The following SLC9A9 variants were observed in gnomAD, a reference collection of about 807,000 sequenced individuals.
SLC9A9 encodes sodium/hydrogen exchanger 9.
SLC9A9 carries 62 observed loss-of-function variants against 77.8 expected under a neutral mutation model. The ratio of observed to expected loss-of-function variants is 0.80; its 90% CI spans 0.65 to 0.98. The LOEUF is 0.98. SLC9A9 is among the 50% of genes least tolerant of loss of function. SLC9A9 has a pLI of 0.00. For synonymous variants in SLC9A9, 320 were observed against 283.5 expected, an observed-to-expected ratio of 1.13 and a Z score of -1.29; for missense variants, 775 against 774.9, an observed-to-expected ratio of 1.00 and a Z score of 0.00.
chr3:143,388,631 GTTA>G (rs943257877), intron 12 of SLC9A9, among the ~76,000 whole-genome samples: 13 of 152,266 alleles, frequency 8.5e-5, no homozygotes, highest in Non-Finnish European at 1.3e-4. Context: ...TGTTAGTGCT[GTTA>G]TTATAAGAGA....
At chr3:143,538,036 T>C (rs1372281293) in intron 9 of SLC9A9, among the ~76,000 whole-genome samples, 1 of 152,238 alleles carries the variant, frequency 6.6e-6, no homozygotes, top group Non-Finnish European at 1.5e-5. Flanking sequence ...TGCCTAGGCC[T>C]TAGGTCCATG....
chr3:143,293,635 C>G (rs1050263298), intron 14 of SLC9A9, among the ~76,000 whole-genome samples: 2 of 152,088 alleles, frequency 1.3e-5, no homozygotes, highest in Non-Finnish European at 2.9e-5. Flanking sequence ...TGAATATGAT[C>G]TGGGATTGAG....
At chr3:143,775,016 C>A (rs1366214558) in intron 4 of SLC9A9, among the ~76,000 whole-genome samples, 4 of 152,200 alleles carry the variant, frequency 2.6e-5, no homozygotes, top group Non-Finnish European at 5.9e-5. Flanking sequence ...AATCCCACTG[C>A]TGATTTTTGT....
Position 143,710,704 on chromosome 3 carries a change from G to A in SLC9A9, c.534-17397C>T, listed in dbSNP as rs188193389. On this transcript the variant is annotated intron_variant, in intron 4 of 15. Transcript: ENST00000316549. ...TCCTAAAGAGAGTTTACCAGGGCTG[G>A]AAATTTTTTGCAGATTCTCTGCTGT... Among the ~76,000 whole-genome samples, 363 of 152,302 alleles carry A rather than the reference G, an allele frequency of 2.4e-3. 2 individuals carry two copies. Among genetic ancestry groups the A allele is most frequent in the African/African-American group, 8.2e-3 (342 of 41,566 alleles).
intron 14 of SLC9A9, among the ~76,000 whole-genome samples, chr3:143,317,544 T>C (rs182246775): frequency 6.6e-6 from 1 of 152,330 alleles, no homozygotes; most frequent in East Asian, 1.9e-4. Context: ...AATTACACTT[T>C]CCACCCTTGT....
intron 4 of SLC9A9, among the ~76,000 whole-genome samples, chr3:143,750,738 TATATATATATAC>T (rs969917816): frequency 2.0e-5 from 3 of 148,030 alleles, no homozygotes; most frequent in African/African-American, 7.4e-5. Flanking sequence ...TATATCTATA[TATATATATATAC>T]ATATATAATT....
Position 143,562,589 on chromosome 3 carries a change from G to A in SLC9A9, c.1001-10139C>T, listed in dbSNP as rs144148971. Among the ~76,000 whole-genome samples the A allele has an allele frequency of 1.3e-4, 20 of 151,018 alleles. 1 individual carries two copies. In the East Asian group the frequency reaches 3.7e-3, roughly 28 times the overall value. The stretch of plus-strand genomic sequence containing the variant: ...TTGTCAAACTATTATAAGCACTAAG[G>A]TATTTATCTTGCATGTTTTGTTAGG... On this transcript the variant is annotated intron_variant, in intron 8 of 15. Coordinates refer to ENST00000316549, the MANE Select transcript of SLC9A9 (RefSeq NM_173653.4).
chr3:143,391,167 TGACC>T (rs2033556778), intron 12 of SLC9A9, among the ~76,000 whole-genome samples: 1 of 152,248 alleles, frequency 6.6e-6, no homozygotes, highest in African/African-American at 2.4e-5. Flanking sequence ...AGTGGGTCCC[TGACC>T]CCTGAGTAGC....
intron 6 of SLC9A9, among the ~76,000 whole-genome samples, chr3:143,603,926 T>G (rs1017004996): frequency 6.6e-6 from 1 of 152,226 alleles, no homozygotes; most frequent in Non-Finnish European, 1.5e-5. Flanking sequence ...TTTGAAGAAT[T>G]CTTCTGTGTC....
At chr3:143,843,155 C>G (rs1241781998) in intron 1 of SLC9A9, among the ~76,000 whole-genome samples, 2 of 152,062 alleles carry the variant, frequency 1.3e-5, no homozygotes, top group Non-Finnish European at 2.9e-5. Flanking sequence ...TTGGAAGGAC[C>G]TTCAGCCAGC....
At chr3:143,789,141 T>C (rs2008144018) in intron 4 of SLC9A9, among the ~76,000 whole-genome samples, 1 of 152,190 alleles carries the variant, frequency 6.6e-6, no homozygotes, top group African/African-American at 2.4e-5. Context: ...GGAACACAGA[T>C]AGGTACATAA....
At chr3:143,336,379 C>T (rs566990877) in intron 14 of SLC9A9, among the ~76,000 whole-genome samples, 111 of 152,224 alleles carry the variant, frequency 7.3e-4, no homozygotes, top group African/African-American at 2.5e-3. Flanking sequence ...TTAGCAATCC[C>T]ACTTCTGGGT....
intron 1 of SLC9A9, among the ~76,000 whole-genome samples, chr3:143,836,512 T>C (rs2009573479): frequency 6.6e-6 from 1 of 152,208 alleles, no homozygotes. Context: ...CACCAAATGC[T>C]GTGAAGTCCC....
chr3:143,376,927 A>C (rs537908306), intron 13 of SLC9A9, among the ~76,000 whole-genome samples: 1 of 152,332 alleles, frequency 6.6e-6, no homozygotes, highest in Admixed American at 6.5e-5. Context: ...ATATTCGTAG[A>C]AGTGTAGTGT....
At chr3:143,667,667 G>T (rs1338882047) in intron 5 of SLC9A9, among the ~76,000 whole-genome samples, 1 of 152,156 alleles carries the variant, frequency 6.6e-6, no homozygotes, top group African/African-American at 2.4e-5. Context: ...GAAAAAGTGG[G>T]TGAATGATAT....
chr3:143,598,865 C>A (rs951368912), intron 6 of SLC9A9, among the ~76,000 whole-genome samples: 4 of 152,308 alleles, frequency 2.6e-5, no homozygotes, highest in East Asian at 1.9e-4. Context: ...CAAAAAGATA[C>A]CTGTCAAGCT....
chr3:143,382,403 A>G lies in SLC9A9; in HGVS notation c.1470-289T>C, dbSNP rs183151017. Reference sequence around the variant, plus strand: ...GAACCTAGGACAGCAGCCATCAGGAAAAAGACCTCCATAGCCCCAAAAACA... The same window carrying G: ...GAACCTAGGACAGCAGCCATCAGGAGAAAGACCTCCATAGCCCCAAAAACA... On this transcript the variant is annotated intron_variant, in intron 12 of 15. Transcript: ENST00000316549. 2.4e-3 allele frequency among the ~76,000 whole-genome samples: 367 copies of G among 152,272 alleles called. 1 individual carries two copies. The highest frequency in any genetic ancestry group is 4.0e-3 in the Non-Finnish European group (273 of 68,018).
intron 6 of SLC9A9, among the ~76,000 whole-genome samples, chr3:143,605,875 C>T (rs1001443841): frequency 9.9e-5 from 15 of 152,156 alleles, no homozygotes; most frequent in African/African-American, 3.6e-4. Flanking sequence ...ATCTCTCCTG[C>T]ATTTGTGTAT....
intron 14 of SLC9A9, among the ~76,000 whole-genome samples, chr3:143,320,490 T>G (rs954412429): frequency 3.3e-5 from 5 of 152,274 alleles, no homozygotes; most frequent in Admixed American, 1.3e-4. Flanking sequence ...ACTGCCAGCT[T>G]CTGGTGAGGC....
Sources: gnomAD v4.1 joint callset for allele counts (sites outside exome capture counted in the v4.1 genomes callset) on GRCh38, gnomAD v4.1.1 for gene constraint, MANE v1.5 for transcripts, NCBI Gene and HGNC (gene_info 2026-07-23, HGNC 2026-07-21) for gene names.